The following NELL1 variants were observed in gnomAD, a reference collection of about 807,000 sequenced individuals.
NELL1 encodes protein kinase C-binding protein NELL1.
A neutral mutation model predicts 107.4 loss-of-function variants in NELL1; 76 were observed. That is an observed-to-expected ratio of 0.71 (90% CI 0.59 to 0.86). The LOEUF is 0.86. Ranked by LOEUF, NELL1 falls within the 40% of genes least tolerant of loss-of-function variation. NELL1 has a pLI of 0.00. For missense variants in NELL1, 1,024 were observed against 1,005.5 expected, an observed-to-expected ratio of 1.02 and a Z score of -0.25; for synonymous variants, 353 against 341.2, an observed-to-expected ratio of 1.03 and a Z score of -0.38.
intron 15 of NELL1, among the ~76,000 whole-genome samples, chr11:21,519,241 G>T (rs1454035694): frequency 6.6e-6 from 1 of 152,076 alleles, no homozygotes; most frequent in African/African-American, 2.4e-5. Context: ...ACAGATCACT[G>T]GGAAAAAGGA....
At chr11:21,570,688 A>G (rs1857079771) in intron 17 of NELL1, 76 bp from the exon 18 acceptor site, 6 of 1,461,838 alleles carry the variant, frequency 4.1e-6, no homozygotes, top group African/African-American at 2.8e-5. Context: ...CAAACATCCA[A>G]GAAGTTCATT....
intron 3 of NELL1, among the ~76,000 whole-genome samples, chr11:20,839,747 GC>G (rs1349898159): frequency 2.0e-5 from 3 of 152,184 alleles, no homozygotes; most frequent in Admixed American, 6.5e-5. Context: ...GGGTTCTGAA[GC>G]CTCTTTACAT....
At chr11:21,361,258 AATTTTTTTTTTTTTT>A (rs1565187258) in intron 14 of NELL1, among the ~76,000 whole-genome samples, 1 of 112,346 alleles carries the variant, frequency 8.9e-6, no homozygotes, top group African/African-American at 3.2e-5. Flanking sequence ...CTTGTGTGAC[AATTTTTTTTTTTTTT>A]TTTTTTTTTT....
At chr11:20,732,264 C>A (rs900117271) in intron 2 of NELL1, among the ~76,000 whole-genome samples, 14 of 152,050 alleles carry the variant, frequency 9.2e-5, no homozygotes, top group African/African-American at 3.4e-4. Flanking sequence ...TGTTCTTATG[C>A]TTCATGAATC....
chr11:21,470,295 C>T (rs78841915), intron 15 of NELL1, among the ~76,000 whole-genome samples: 2,503 of 152,106 alleles, frequency 0.016, 72 homozygotes, highest in African/African-American at 0.056. Context: ...TTTGCTTAGA[C>T]TCGAGAGAGC....
chr11:21,031,019 G>A (rs778216344), intron 12 of NELL1, among the ~76,000 whole-genome samples: 6 of 152,038 alleles, frequency 3.9e-5, no homozygotes, highest in Non-Finnish European at 5.9e-5. Flanking sequence ...CATTGTGCAC[G>A]GCTTTTCTTA....
intron 15 of NELL1, among the ~76,000 whole-genome samples, chr11:21,491,650 CT>C (rs1490800227): frequency 3.9e-5 from 6 of 152,052 alleles, no homozygotes; most frequent in South Asian, 2.1e-4. Context: ...CAGCTTTGTT[CT>C]TTTGGCTTAG....
At chr11:21,565,782 C>T (rs1856958040) in intron 17 of NELL1, among the ~76,000 whole-genome samples, 1 of 151,906 alleles carries the variant, frequency 6.6e-6, no homozygotes, top group Admixed American at 6.6e-5. Flanking sequence ...TTGGTTTCCT[C>T]TTCATTAAAA....
At chr11:21,157,161 A>ATATG (rs372420048) in intron 13 of NELL1, among the ~76,000 whole-genome samples, 2,641 of 149,702 alleles carry the variant, frequency 0.018, 62 homozygotes, top group African/African-American at 0.052. Flanking sequence ...ATATATATAT[A>ATATG]TGTGTGTGTG....
intron 13 of NELL1, among the ~76,000 whole-genome samples, chr11:21,185,730 T>C (rs1432495045): frequency 4.0e-5 from 6 of 151,854 alleles, no homozygotes; most frequent in African/African-American, 1.2e-4. Flanking sequence ...TATAAAGCTC[T>C]TAGTGCAGTG....
chr11:21,307,005 G>T (rs1849619048), intron 14 of NELL1, among the ~76,000 whole-genome samples: 1 of 151,978 alleles, frequency 6.6e-6, no homozygotes, highest in African/African-American at 2.4e-5. Context: ...AAGAATTAGG[G>T]TATTGAGTCA....
intron 13 of NELL1, among the ~76,000 whole-genome samples, chr11:21,143,479 A>G (rs1331566935): frequency 1.3e-5 from 2 of 151,980 alleles, no homozygotes; most frequent in Admixed American, 1.3e-4. Flanking sequence ...TGAAATAGCT[A>G]GCGAAAAGTC....
At chr11:21,410,274 A>C (rs950810259) in intron 15 of NELL1, among the ~76,000 whole-genome samples, 4 of 152,186 alleles carry the variant, frequency 2.6e-5, no homozygotes, top group Middle Eastern at 3.4e-3. Context: ...TACCTGTGCC[A>C]TTCATTTCAT....
chr11:21,135,772 G>A (rs1182729474), intron 13 of NELL1, among the ~76,000 whole-genome samples: 1 of 151,938 alleles, frequency 6.6e-6, no homozygotes, highest in African/African-American at 2.4e-5. Context: ...ATAAATATTA[G>A]ATCATTTTTC....
At chr11:20,714,245 C>T (rs1855185440) in intron 2 of NELL1, among the ~76,000 whole-genome samples, 1 of 132,124 alleles carries the variant, frequency 7.6e-6, no homozygotes, top group Non-Finnish European at 1.6e-5. Context: ...CTCTTGTCAC[C>T]CAGGCTGGAG....
chr11:20,809,016 C>G (rs1036674246), intron 3 of NELL1, among the ~76,000 whole-genome samples: 4 of 152,062 alleles, frequency 2.6e-5, no homozygotes, highest in African/African-American at 9.7e-5. Flanking sequence ...GTGTAGATAG[C>G]TATTAAATTT....
intron 18 of NELL1, 79 bp downstream of exon 18, chr11:21,571,019 T>C: frequency 7.3e-7 from 1 of 1,363,184 alleles, no homozygotes; most frequent in African/African-American, 1.5e-5. Flanking sequence ...GGGACCTAGT[T>C]CCCAGTTTTT....
At chr11:21,197,485 T>C (rs183086749) in intron 13 of NELL1, among the ~76,000 whole-genome samples, 1 of 152,072 alleles carries the variant, frequency 6.6e-6, no homozygotes, top group Admixed American at 6.5e-5. Flanking sequence ...GTTAATAGGC[T>C]GTTAGACAGC....
intron 12 of NELL1, among the ~76,000 whole-genome samples, chr11:21,112,689 A>AT (rs1185217840): frequency 6.6e-6 from 1 of 152,054 alleles, no homozygotes; most frequent in Non-Finnish European, 1.5e-5. Flanking sequence ...AGAATTGACC[A>AT]TTGGGACAAA....
Sources: allele counts gnomAD v4.1 joint callset (sites outside exome capture counted in the v4.1 genomes callset), GRCh38; gene constraint gnomAD v4.1.1; transcripts MANE v1.5; gene names NCBI Gene and HGNC (gene_info 2026-07-23, HGNC 2026-07-21).